ESR1: variants seen among roughly 807,000 people sequenced by gnomAD.
ESR1 encodes the protein estrogen receptor 1, also known as estrogen receptor.
In ESR1, 12 loss-of-function variants were observed where a neutral mutation model predicts 52.7. That is an observed-to-expected ratio of 0.23 (90% CI 0.15 to 0.37). The LOEUF (loss-of-function observed/expected upper bound fraction) is 0.37, where lower values mean the gene tolerates loss of function less well. ESR1 is among the 10% of genes least tolerant of loss of function. The pLI is 1.00. For missense variants in ESR1, 584 were observed against 779.7 expected (o/e 0.75, Z 2.99); for synonymous variants, 305 against 316.8 (o/e 0.96, Z 0.39).
chr6:151,862,266 A>G (rs1210250817), intron 2 of ESR1, among the ~76,000 whole-genome samples: 3 of 152,150 alleles, frequency 2.0e-5, no homozygotes, highest in Non-Finnish European at 4.4e-5. Flanking sequence ...ACTCTTAACC[A>G]TTGTGTTCTG....
At chr6:151,669,418 G>A (rs1180714219) in intron 1 of ESR1, among the ~76,000 whole-genome samples, 2 of 152,072 alleles carry the variant, frequency 1.3e-5, no homozygotes, top group African/African-American at 4.8e-5. Flanking sequence ...TGATGTCCTC[G>A]AGAAACCTGC....
chr6:151,791,838 G>A (rs186913082), intron 2 of ESR1, among the ~76,000 whole-genome samples: 7 of 151,386 alleles, frequency 4.6e-5, no homozygotes, highest in Admixed American at 4.6e-4. Flanking sequence ...CAGGTAAAAT[G>A]TCAAAAAAAA....
intron 4 of ESR1, among the ~76,000 whole-genome samples, chr6:152,002,925 T>C (rs568110781): frequency 1.3e-5 from 2 of 152,042 alleles, no homozygotes; most frequent in Non-Finnish European, 1.5e-5. Flanking sequence ...CATAGCATAA[T>C]TGTAGCAAAT....
chr6:151,675,087 T>A (rs1778206278), intron 1 of ESR1, among the ~76,000 whole-genome samples: 2 of 152,178 alleles, frequency 1.3e-5, no homozygotes, highest in African/African-American at 2.4e-5. Context: ...TAGAAATAAC[T>A]AAGGGTGAGA....
chr6:151,885,923 C>A (rs1056878066), intron 3 of ESR1, among the ~76,000 whole-genome samples: 1 of 152,064 alleles, frequency 6.6e-6, no homozygotes, highest in Non-Finnish European at 1.5e-5. Context: ...GATGACAAAT[C>A]GTAACATGGG....
chr6:151,787,635 G>T (rs1787149875), intron 2 of ESR1, among the ~76,000 whole-genome samples: 1 of 152,008 alleles, frequency 6.6e-6, no homozygotes, highest in African/African-American at 2.4e-5. Context: ...TCCTGATTTG[G>T]CTCTTTGCTT....
intron 4 of ESR1, among the ~76,000 whole-genome samples, chr6:151,950,797 G>A (rs2036242246): frequency 6.6e-6 from 1 of 152,094 alleles, no homozygotes; most frequent in South Asian, 2.1e-4. Flanking sequence ...GAACTGTGAG[G>A]CGTACATTTC....
chr6:152,063,387 G>C (rs986544455), intron 6 of ESR1, among the ~76,000 whole-genome samples: 1 of 152,118 alleles, frequency 6.6e-6, no homozygotes, highest in African/African-American at 2.4e-5. Flanking sequence ...TAAGCAAACA[G>C]AAGCTGTCTC....
chr6:151,994,588 C>A (rs2041311555), intron 4 of ESR1, among the ~76,000 whole-genome samples: 1 of 152,136 alleles, frequency 6.6e-6, no homozygotes, highest in Non-Finnish European at 1.5e-5. Context: ...CCGTGGGTGA[C>A]AAACCCTGTC....
intron 3 of ESR1, among the ~76,000 whole-genome samples, chr6:151,925,124 T>TTTG (rs1554285732): frequency 2.7e-4 from 41 of 150,704 alleles, no homozygotes; most frequent in East Asian, 1.6e-3. Flanking sequence ...CAGCATCTGG[T>TTTG]TTTTTTTGTT....
At chr6:151,988,684 G>C (rs1341682993) in intron 4 of ESR1, among the ~76,000 whole-genome samples, 1 of 151,960 alleles carries the variant, frequency 6.6e-6, no homozygotes, top group Non-Finnish European at 1.5e-5. Context: ...CATGACACAA[G>C]TTTACCTATG....
chr6:152,121,274 GAAC>G (rs1224633288), intron 6 of ESR1, among the ~76,000 whole-genome samples: 2 of 152,200 alleles, frequency 1.3e-5, no homozygotes, highest in African/African-American at 4.8e-5. Flanking sequence ...GGTAGACAAT[GAAC>G]AATAGAAGGC....
chr6:151,658,563 G>T (rs954544550), intron 1 of ESR1, among the ~76,000 whole-genome samples: 1 of 152,154 alleles, frequency 6.6e-6, no homozygotes, highest in African/African-American at 2.4e-5. Flanking sequence ...CCACATAATA[G>T]TTGGATGCCA....
chr6:151,810,077 C>T (rs1480969607), intron 1 of ESR1, among the ~76,000 whole-genome samples: 1 of 152,096 alleles, frequency 6.6e-6, no homozygotes, highest in South Asian at 2.1e-4. Flanking sequence ...ACTAATGAGA[C>T]TGCTCCTTGG....
intron 2 of ESR1, among the ~76,000 whole-genome samples, chr6:151,788,595 T>C (rs1180585025): frequency 6.6e-6 from 1 of 152,214 alleles, no homozygotes; most frequent in Non-Finnish European, 1.5e-5. Context: ...AGCAATTCCA[T>C]GACTGGGTAT....
At chr6:152,048,534 A>G (rs2046420698) in intron 5 of ESR1, among the ~76,000 whole-genome samples, 1 of 152,008 alleles carries the variant, frequency 6.6e-6, no homozygotes, top group Non-Finnish European at 1.5e-5. Context: ...GTGAGTGTAT[A>G]TGTGTGTTTA....
chr6:152,103,685 G>A (rs1161021045), downstream of ESR1, among the ~76,000 whole-genome samples: 2 of 152,210 alleles, frequency 1.3e-5, no homozygotes, highest in Admixed American at 6.5e-5. Context: ...ATGCTTGAGA[G>A]TGGTTATTTA....
In ESR1 at chr6:151,890,377, G is replaced by A. The variant is rs763262995; in HGVS notation, c.760+9606G>A. Among the ~76,000 whole-genome samples, 7 of 152,214 alleles carry A rather than the reference G, an allele frequency of 4.6e-5. No homozygotes were observed. In the South Asian group the frequency reaches 6.2e-4, roughly 14 times the overall value. ...GCTGGGATTACAGGAGTGAGCCACC[G>A]TGCCAGGCCATGATCTATACTGTTT... is the stretch of plus-strand genomic sequence containing the variant. On this transcript the variant is annotated intron_variant, in intron 3 of 7. Coordinates refer to ENST00000206249, the MANE Select transcript of ESR1 (RefSeq NM_000125.4).
intron 2 of ESR1, among the ~76,000 whole-genome samples, chr6:151,741,376 C>G (rs1437712189): frequency 6.6e-6 from 1 of 152,088 alleles, no homozygotes; most frequent in Non-Finnish European, 1.5e-5. Flanking sequence ...TAGTATAGCT[C>G]TCTACCGAGG....
Sources: allele counts gnomAD v4.1 joint callset (sites outside exome capture counted in the v4.1 genomes callset), GRCh38; gene constraint gnomAD v4.1.1; transcripts MANE v1.5; gene names NCBI Gene and HGNC (gene_info 2026-07-23, HGNC 2026-07-21).